MCTP1: variants seen among roughly 807,000 people sequenced by gnomAD.
MCTP1 encodes the protein multiple C2 and transmembrane domain containing 1, also known as multiple C2 and transmembrane domain-containing protein 1.
In MCTP1, 69 loss-of-function variants were observed where a neutral mutation model predicts 120.6. The ratio of observed to expected loss-of-function variants is 0.57; its 90% CI spans 0.47 to 0.70. MCTP1 has a LOEUF of 0.70. MCTP1 is among the 30% of genes least tolerant of loss of function. The pLI is 0.00. For synonymous variants in MCTP1, 529 were observed against 493.1 expected, an observed-to-expected ratio of 1.07 and a Z score of -0.96; for missense variants, 1,203 against 1,248.8, an observed-to-expected ratio of 0.96 and a Z score of 0.55.
chr5:94,939,300 G>C (rs1816972830), intron 5 of MCTP1, among the ~76,000 whole-genome samples: 1 of 152,004 alleles, frequency 6.6e-6, no homozygotes, highest in Admixed American at 6.6e-5. Context: ...TGCTGAAATA[G>C]AGTATTTGGA....
At chr5:95,270,087 A>G (rs1012266564) in intron 1 of MCTP1, among the ~76,000 whole-genome samples, 3 of 152,236 alleles carry the variant, frequency 2.0e-5, no homozygotes, top group Non-Finnish European at 2.9e-5. Context: ...TAATAATAAT[A>G]TCAATAACAA....
At chr5:95,136,570 A>G (rs1474251341) in intron 1 of MCTP1, among the ~76,000 whole-genome samples, 1 of 152,142 alleles carries the variant, frequency 6.6e-6, no homozygotes, top group East Asian at 1.9e-4. Context: ...GAAGGGAGGA[A>G]ATCTTTGCGG....
At chr5:95,153,528 T>C (rs1276219120) in intron 1 of MCTP1, among the ~76,000 whole-genome samples, 1 of 152,212 alleles carries the variant, frequency 6.6e-6, no homozygotes, top group Non-Finnish European at 1.5e-5. Context: ...CTTAAGAACA[T>C]GGTCCTGACA....
intron 1 of MCTP1, among the ~76,000 whole-genome samples, chr5:95,029,839 G>A (rs975464235): frequency 1.1e-4 from 16 of 152,128 alleles, no homozygotes; most frequent in African/African-American, 3.6e-4. Flanking sequence ...TACACTTGTG[G>A]TGCCACTGCC....
At position 94,829,583 on chromosome 5, in the gene MCTP1, G is replaced by A. The variant is rs543751885; in HGVS notation, c.2437-30451C>T. ...GTGTCTCTCTTCAGCTCCACATCATGGTCAGTTAACGGGGACAGATAAACA... is the reference window on the plus strand; with the variant it reads ...GTGTCTCTCTTCAGCTCCACATCATAGTCAGTTAACGGGGACAGATAAACA... On this transcript the variant is annotated intron_variant, in intron 17 of 22. Coordinates refer to ENST00000515393, the MANE Select transcript of MCTP1 (RefSeq NM_024717.7). Among the ~76,000 whole-genome samples, 7 of 152,182 alleles carry A rather than the reference G, an allele frequency of 4.6e-5. No homozygotes were observed. In the South Asian group the frequency reaches 1.0e-3, roughly 23 times the overall value.
intron 7 of MCTP1, among the ~76,000 whole-genome samples, chr5:94,918,887 A>G (rs1810836177): frequency 6.6e-6 from 1 of 152,208 alleles, no homozygotes; most frequent in Admixed American, 6.5e-5. Context: ...TGAGGCATAG[A>G]GAAGATAAGT....
intron 17 of MCTP1, among the ~76,000 whole-genome samples, chr5:94,802,698 G>A (rs1490199084): frequency 2.0e-5 from 3 of 152,142 alleles, no homozygotes. Flanking sequence ...AGAGGTATTG[G>A]GGGAAACGAG....
intron 19 of MCTP1, among the ~76,000 whole-genome samples, chr5:94,726,986 A>G (rs1283236604): frequency 1.3e-5 from 2 of 152,216 alleles, no homozygotes. Context: ...TCCACAACCA[A>G]GTAAGGACTG....
At chr5:94,901,466 C>G (rs537421365) in intron 10 of MCTP1, among the ~76,000 whole-genome samples, 1 of 152,172 alleles carries the variant, frequency 6.6e-6, no homozygotes, top group East Asian at 1.9e-4. Flanking sequence ...TCCTAGTATT[C>G]CCTGACTCAT....
At chr5:95,201,399 T>C (rs921905389) in intron 1 of MCTP1, among the ~76,000 whole-genome samples, 3 of 150,960 alleles carry the variant, frequency 2.0e-5, no homozygotes, top group Non-Finnish European at 4.4e-5. Flanking sequence ...ATGATTTAAA[T>C]TTAAAAATTA....
intron 2 of MCTP1, among the ~76,000 whole-genome samples, chr5:95,001,715 T>C (rs759633106): frequency 6.6e-6 from 1 of 152,106 alleles, no homozygotes; most frequent in Non-Finnish European, 1.5e-5. Context: ...GGCAAACTGT[T>C]CAAGAGAAAG....
At chr5:94,899,002 T>C (rs925048557) in intron 10 of MCTP1, among the ~76,000 whole-genome samples, 4 of 152,216 alleles carry the variant, frequency 2.6e-5, no homozygotes, top group Non-Finnish European at 4.4e-5. Flanking sequence ...AACAAAATTA[T>C]CTTATAGGCA....
chr5:94,847,678 G>GTATATATATATA (rs1477204214), intron 17 of MCTP1, among the ~76,000 whole-genome samples: 1 of 130,570 alleles, frequency 7.7e-6, no homozygotes, highest in African/African-American at 3.1e-5. Context: ...GTGTGTGTGT[G>GTATATATATATA]TGTGTATATA....
At chr5:94,775,051 A>T (rs976544172) in intron 19 of MCTP1, among the ~76,000 whole-genome samples, 20 of 152,200 alleles carry the variant, frequency 1.3e-4, no homozygotes, top group African/African-American at 4.8e-4. Context: ...TCAAGAATTA[A>T]AGCAAAGAAT....
At chr5:95,190,325 A>C (rs1042525326) in intron 1 of MCTP1, among the ~76,000 whole-genome samples, 1 of 152,150 alleles carries the variant, frequency 6.6e-6, no homozygotes, top group East Asian at 1.9e-4. Context: ...AAATAAAAGG[A>C]AATTAAGACA....
chr5:94,917,666 A>G (rs1259347011), intron 8 of MCTP1, among the ~76,000 whole-genome samples: 1 of 152,248 alleles, frequency 6.6e-6, no homozygotes, highest in Non-Finnish European at 1.5e-5. Context: ...GTCTGAAGCA[A>G]TTAGTCCATA....
At chr5:95,127,361 A>G (rs555479423) in intron 1 of MCTP1, among the ~76,000 whole-genome samples, 7 of 152,302 alleles carry the variant, frequency 4.6e-5, no homozygotes, top group African/African-American at 1.7e-4. Flanking sequence ...ACCTTCTACA[A>G]CTAAGGCACA....
intron 19 of MCTP1, among the ~76,000 whole-genome samples, chr5:94,736,519 A>C (rs1764299460): frequency 6.6e-6 from 1 of 152,192 alleles, no homozygotes; most frequent in Admixed American, 6.5e-5. Context: ...CTTTTGTGAT[A>C]TGCATTCCCA....
At chr5:95,098,168 C>A (rs540887824) in intron 1 of MCTP1, among the ~76,000 whole-genome samples, 12 of 152,224 alleles carry the variant, frequency 7.9e-5, no homozygotes, top group South Asian at 6.2e-4. Flanking sequence ...AACCCTAGAT[C>A]CTGAGACTGA....
Sources: gnomAD v4.1 joint callset for allele counts (sites outside exome capture counted in the v4.1 genomes callset) on GRCh38, gnomAD v4.1.1 for gene constraint, MANE v1.5 for transcripts, NCBI Gene and HGNC (gene_info 2026-07-23, HGNC 2026-07-21) for gene names.